BTBD8: variants seen among roughly 807,000 people sequenced by gnomAD.
BTBD8 encodes BTB/POZ domain-containing protein 8.
In BTBD8, 110 loss-of-function variants were observed where a neutral mutation model predicts 162.9. The ratio of observed to expected loss-of-function variants is 0.68; its 90% CI spans 0.58 to 0.79. The LOEUF (loss-of-function observed/expected upper bound fraction) is 0.79, where lower values mean the gene tolerates loss of function less well. BTBD8 is among the 30% of genes least tolerant of loss of function. The pLI, the probability that BTBD8 is intolerant of heterozygous loss-of-function variation, is 0.00. For missense variants in BTBD8, 1,905 were observed against 2,085.4 expected (o/e 0.91, Z 1.68); for synonymous variants, 667 against 716.1 (o/e 0.93, Z 1.10).
chr1:92,130,527 T>A (rs1328401185), intron 5 of BTBD8, among the ~76,000 whole-genome samples: 2 of 133,086 alleles, frequency 1.5e-5, no homozygotes, highest in African/African-American at 5.8e-5. Flanking sequence ...AAAATATATA[T>A]ATATATATAT....
rs12748169 is a variant in BTBD8, at chr1:92,130,581, C to T, written c.752+805C>T. ...ACACACACACACATATACGCACACA[C>T]ACATATATATACACACAGTATATAT... On this transcript the variant is annotated intron_variant, in intron 5 of 17. Coordinates refer to ENST00000636805, the MANE Select transcript of BTBD8 (RefSeq NM_001376131.1). Among the ~76,000 whole-genome samples, 230 of 151,806 alleles carry T rather than the reference C, an allele frequency of 1.5e-3. 3 individuals carry two copies. The highest frequency in any genetic ancestry group is 4.3e-4 in the Non-Finnish European group (29 of 67,952).
chr1:92,173,883 G>A (rs1468480162), intron 13 of BTBD8, among the ~76,000 whole-genome samples: 1 of 152,178 alleles, frequency 6.6e-6, no homozygotes, highest in Non-Finnish European at 1.5e-5. Flanking sequence ...ACAGGGATGA[G>A]CTATCTAGGA....
intron 6 of BTBD8, among the ~76,000 whole-genome samples, chr1:92,140,232 G>A (rs549843913): frequency 5.5e-4 from 82 of 149,796 alleles, no homozygotes; most frequent in Non-Finnish European, 8.7e-4. Flanking sequence ...GATCTGCCTG[G>A]GACTGTAGCG....
chr1:92,172,734 G>A (rs1376666988), intron 13 of BTBD8, among the ~76,000 whole-genome samples: 1 of 152,192 alleles, frequency 6.6e-6, no homozygotes, highest in African/African-American at 2.4e-5. Flanking sequence ...AGGAACTAAT[G>A]CAGCTCCAAG....
rs1455475432 is a variant in BTBD8, at chr1:92,102,477, A to G, written c.352A>G (p.Ile118Val). The G allele has an allele frequency of 4.7e-6, 7 of 1,484,558 alleles. No homozygotes were observed. The highest frequency in any genetic ancestry group is 6.3e-6 in the Non-Finnish European group (7 of 1,107,422). 92.0% of individuals were successfully genotyped at this position (1,484,558 alleles called of 1,614,324 possible). A position where few individuals can be genotyped will look rare whatever the true frequency, so the allele number is the denominator to read the frequency against. The change falls in exon 3 of 18, where the codon ATA (isoleucine) becomes GTA (valine). Residue 118 changes from isoleucine (I) to valine (V), a missense_variant. Physicochemically the swap from Ile to Val is conservative, Grantham distance 29. This residue lies in a region of BTBD8 where 1,374 missense variants were observed against 1,442.7 expected (regional missense o/e 0.95). Transcript: ENST00000636805. ...ATTTTATATTTTGTCTTTTAGGATT[A>G]TATATTCATCAAACAGAAACATAAA... Reference protein sequence around the residue: ...ALEFRTFLQIIYSSNRNIKNY... With the variant: ...ALEFRTFLQIVYSSNRNIKNY...
At chr1:92,126,426 G>A (rs1056757758) in intron 4 of BTBD8, 49 of 915,524 alleles carry the variant, frequency 5.4e-5, no homozygotes, top group Non-Finnish European at 6.9e-5. Flanking sequence ...CTCCTCAAAC[G>A]AAACATCCAG....
At chr1:92,094,307 A>C (rs1648393232) in intron 2 of BTBD8, among the ~76,000 whole-genome samples, 1 of 152,202 alleles carries the variant, frequency 6.6e-6, no homozygotes, top group South Asian at 2.1e-4. Context: ...TATAGAAAGC[A>C]CTTGTGACGT....
chr1:92,132,110 G>A (rs888140937), intron 5 of BTBD8, among the ~76,000 whole-genome samples: 2 of 152,194 alleles, frequency 1.3e-5, no homozygotes, highest in African/African-American at 4.8e-5. Flanking sequence ...AGCTAGCTCA[G>A]ACTGCTCTTC....
chr1:92,117,284 C>A (rs1211684982), intron 4 of BTBD8, among the ~76,000 whole-genome samples: 1 of 151,802 alleles, frequency 6.6e-6, no homozygotes, highest in Non-Finnish European at 1.5e-5. Flanking sequence ...TAATCAAATG[C>A]CAGACATTAT....
In BTBD8 at chr1:92,101,622, T is replaced by A. The variant is rs148922041; in HGVS notation, c.348-851T>A. On this transcript the variant is annotated intron_variant, in intron 2 of 17. Coordinates refer to ENST00000636805, the MANE Select transcript of BTBD8 (RefSeq NM_001376131.1). The stretch of plus-strand genomic sequence containing the variant: ...AGCAGCAGCCACGAATTCCATTTTT[T>A]GGCATTATATATTACTTTTTAACAT... Among the ~76,000 whole-genome samples, 319 of 152,370 alleles carry A rather than the reference T, an allele frequency of 2.1e-3. 5 individuals carry two copies. The highest frequency in any genetic ancestry group is 0.019 in the Admixed American group (293 of 15,296).
rs1650926316 is a variant in BTBD8, at chr1:92,182,038, AAGG to A, written c.4358_4360del (p.Gly1453del). 6.4e-7 allele frequency: 1 copy of A among 1,551,368 alleles called. No individual in the cohort carries two copies. Among genetic ancestry groups the A allele is most frequent in the African/African-American group, 1.4e-5 (1 of 73,034 alleles). On this transcript the variant is annotated inframe_deletion, in exon 17 of 18. Coordinates refer to ENST00000636805, the MANE Select transcript of BTBD8 (RefSeq NM_001376131.1). ...GAATGTGAAGAGCTGGGATCAGATG[AAGG>A]AGAAGTCCATACTCCCTTTCAGGCT...
At chr1:92,151,643 C>T (rs1289197739) in intron 9 of BTBD8, among the ~76,000 whole-genome samples, 1 of 152,012 alleles carries the variant, frequency 6.6e-6, no homozygotes, top group Admixed American at 6.6e-5. Flanking sequence ...GTACCCATCA[C>T]CTGAACAATG....
intron 9 of BTBD8, among the ~76,000 whole-genome samples, chr1:92,163,703 G>A (rs1312764710): frequency 6.6e-6 from 1 of 152,034 alleles, no homozygotes; most frequent in Non-Finnish European, 1.5e-5. Context: ...AACTGTCGTT[G>A]TGTTAACTGT....
At chr1:92,084,935 A>G (rs528138293) in intron 1 of BTBD8, among the ~76,000 whole-genome samples, 1 of 152,318 alleles carries the variant, frequency 6.6e-6, no homozygotes, top group Admixed American at 6.5e-5. Context: ...TATCTTTGTA[A>G]GGAACATGGA....
At chr1:92,169,862 C>G (rs1028615188) in intron 12 of BTBD8, among the ~76,000 whole-genome samples, 1 of 152,044 alleles carries the variant, frequency 6.6e-6, no homozygotes, top group Non-Finnish European at 1.5e-5. Flanking sequence ...GATAGTGTAG[C>G]TAGATGTGAT....
At position 92,171,417 on chromosome 1, in the gene BTBD8, A is replaced by G. The variant is rs1650541824; in HGVS notation, c.1592A>G (p.Asp531Gly). 4.5e-6 allele frequency: 7 copies of G among 1,539,290 alleles called. No homozygotes were observed. Among genetic ancestry groups the G allele is most frequent in the Non-Finnish European group, 6.1e-6 (7 of 1,140,680 alleles). Residue 531 changes from aspartate (D) to glycine (G), a missense_variant, in exon 13 of 18, where the codon GAT becomes GGT. This residue lies in a region of BTBD8 where 1,374 missense variants were observed against 1,442.7 expected (regional missense o/e 0.95). Coordinates refer to ENST00000636805, the MANE Select transcript of BTBD8 (RefSeq NM_001376131.1). Reference protein sequence around the residue: ...KIQAAAFDKGDDRRLGKKPIF... With the variant: ...KIQAAAFDKGGDRRLGKKPIF... ...TCTACAGCTGCATTTGACAAAGGTG[A>G]TGATCGAAGACTTGGCAAAAAGCCT...
Position 92,177,371 on chromosome 1 carries a change from C to A in BTBD8, c.2178C>A (p.Ser726=), listed in dbSNP as rs1442095657. The A allele has an allele frequency of 7.7e-6, 12 of 1,551,764 alleles. No homozygotes were observed. Among genetic ancestry groups the A allele is most frequent in the African/African-American group, 1.4e-5 (1 of 73,176 alleles). The part of the protein sequence containing the change: ...DSPCLSIAGP[S]SRSTDSSMEF... ...CATGCCTCAGCATCGCAGGACCCTC[C>A]AGCAGATCCACAGATTCAAGTATGG... The change falls in exon 14 of 18, where the codon TCC becomes TCA. Residue 726 remains serine (S), a synonymous_variant. Coordinates refer to ENST00000636805, the MANE Select transcript of BTBD8 (RefSeq NM_001376131.1).
chr1:92,109,765 T>C (rs986335038), intron 4 of BTBD8, among the ~76,000 whole-genome samples: 2 of 152,324 alleles, frequency 1.3e-5, no homozygotes, highest in Admixed American at 6.5e-5. Context: ...ATAATACATA[T>C]TCATCTAAAG....
At chr1:92,183,532 T>TC in intron 17 of BTBD8, among the ~76,000 whole-genome samples, 1 of 152,068 alleles carries the variant, frequency 6.6e-6, no homozygotes, top group African/African-American at 2.4e-5. Flanking sequence ...CTTTTTTTTT[T>TC]CTCTTTTTCT....
Sources: allele counts gnomAD v4.1 joint callset (sites outside exome capture counted in the v4.1 genomes callset), GRCh38; gene constraint gnomAD v4.1.1; regional missense constraint gnomAD v4.1.1; transcripts MANE v1.5; gene names NCBI Gene and HGNC (gene_info 2026-07-23, HGNC 2026-07-21).